Variants in LRRK2 observed in about 807,000 individuals in gnomAD.
The protein encoded by LRRK2 is leucine rich repeat kinase 2, also known as leucine-rich repeat serine/threonine-protein kinase 2.
A neutral mutation model predicts 302.6 loss-of-function variants in LRRK2; 203 were observed. The observed-to-expected ratio is 0.67, with a 90% CI of 0.60 to 0.75. The LOEUF (loss-of-function observed/expected upper bound fraction) is 0.75. Ranked by LOEUF, LRRK2 falls within the 30% of genes least tolerant of loss-of-function variation. The pLI is 0.00. For synonymous variants in LRRK2, 1,066 were observed against 1,031.9 expected, an observed-to-expected ratio of 1.03 and a Z score of -0.63; for missense variants, 2,830 against 2,951.0, an observed-to-expected ratio of 0.96 and a Z score of 0.95.
intron 2 of LRRK2, among the ~76,000 whole-genome samples, chr12:40,228,545 T>C (rs533950288): frequency 6.6e-6 from 1 of 151,934 alleles, no homozygotes; most frequent in African/African-American, 2.4e-5. Context: ...CCTTTCTTTA[T>C]GTTGTCTCTT....
At position 40,295,488 on chromosome 12, in the gene LRRK2, G is replaced by T. The variant is rs201042000; in HGVS notation, c.2940G>T (p.Glu980Asp). 11 of 1,613,708 alleles carry T rather than the reference G, an allele frequency of 6.8e-6. No homozygotes were observed. The African/African-American group carries it at 1.2e-4, about 18-fold the overall frequency. The change falls in exon 23 of 51, where the codon GAG becomes GAT. Residue 980 changes from glutamate (E) to aspartate (D), a missense_variant. Physicochemically the swap from Glu to Asp is conservative, Grantham distance 45. Around this residue, in one of 3 missense-constraint regions of LRRK2, gnomAD observed 2,121 missense variants for 2,148.0 expected, o/e 0.99. Coordinates refer to ENST00000298910, the MANE Select transcript of LRRK2 (RefSeq NM_198578.4). ...ACAGCATTTCTTCTCTGGCTTCTGA[G>T]AGAGAATATATTACATCACTAGACC... The part of the protein sequence containing the change: ...HSDSISSLAS[E>D]REYITSLDLS...
intron 19 of LRRK2, 38 bp from the exon 20 acceptor site, chr12:40,287,313 G>T: frequency 3.8e-6 from 6 of 1,579,078 alleles, no homozygotes; most frequent in Non-Finnish European, 5.2e-6. Context: ...TTGCATAATT[G>T]TTGATTTCTA....
chr12:40,239,373 C>T (rs1941623632), intron 5 of LRRK2, among the ~76,000 whole-genome samples: 1 of 152,020 alleles, frequency 6.6e-6, no homozygotes, highest in African/African-American at 2.4e-5. Flanking sequence ...CTTTCGATGA[C>T]AATTAGGATA....
Position 40,363,483 on chromosome 12 carries a change from C to T in LRRK2, c.7110C>T (p.Ser2370=). Residue 2370 remains serine (S), a synonymous_variant, in exon 48 of 51, where the codon AGC becomes AGT. Coordinates refer to ENST00000298910, the MANE Select transcript of LRRK2 (RefSeq NM_198578.4). ...DTALYIAKQN[S]PVVEVWDKKT... ...CTCTCTATATTGCTAAGCAAAATAG[C>T]CCTGTTGTGGAAGTGTGGGATAAGA... 5 of 1,611,754 alleles carry T rather than the reference C, an allele frequency of 3.1e-6. No homozygotes were observed. Among genetic ancestry groups the T allele is most frequent in the East Asian group, 4.5e-5 (2 of 44,758 alleles).
chr12:40,248,505 G>T (rs1052284256), intron 7 of LRRK2, among the ~76,000 whole-genome samples: 2 of 152,118 alleles, frequency 1.3e-5, no homozygotes, highest in African/African-American at 2.4e-5. Flanking sequence ...AGTGGATGAT[G>T]ATTTGTTCCA....
At chr12:40,232,718 C>G (rs1277022973) in intron 3 of LRRK2, 3 of 188,890 alleles carry the variant, frequency 1.6e-5, no homozygotes, top group East Asian at 1.4e-4. Flanking sequence ...AGAATCGATA[C>G]AAACCACTAG....
Position 40,359,299 on chromosome 12 carries a change from A to T in LRRK2, c.6883A>T (p.Asn2295Tyr). ...AAPLKILNIG[N>Y]VSTPLMCLSE... ...TCCTTTGAAGATACTAAATATAGGA[A>T]ATGTCAGTACTCCATTGATGTGTTT... The change falls in exon 47 of 51, where the codon AAT becomes TAT. Residue 2295 changes from asparagine to tyrosine, a missense_variant. Transcript: ENST00000298910. 1 of 1,613,036 alleles carries T rather than the reference A, an allele frequency of 6.2e-7. No individual in the cohort carries two copies. Among genetic ancestry groups the T allele is most frequent in the African/African-American group, 1.3e-5 (1 of 74,944 alleles).
intron 10 of LRRK2, 71 bp from the exon 11 acceptor site, chr12:40,252,839 T>C (rs948119793): frequency 1.5e-4 from 144 of 982,682 alleles, no homozygotes; most frequent in Non-Finnish European, 2.0e-4. Context: ...AGATATTTGA[T>C]AATGGCAAGT....
At position 40,363,464 on chromosome 12, in the gene LRRK2, A is replaced by G; in HGVS notation, c.7091A>G (p.Tyr2364Cys). 2 of 1,612,176 alleles carry G rather than the reference A, an allele frequency of 1.2e-6. No homozygotes were observed. Among genetic ancestry groups the G allele is most frequent in the Non-Finnish European group, 1.7e-6 (2 of 1,178,806 alleles). Residue 2364 changes from tyrosine (Y) to cysteine (C), a missense_variant, in exon 48 of 51, where the codon TAT (tyrosine) becomes TGT (cysteine). By Grantham distance (194) the Tyr-to-Cys change is radical. Around this residue, in one of 3 missense-constraint regions of LRRK2, gnomAD observed 456 missense variants for 456.3 expected, o/e 1.00. Transcript: ENST00000298910. Reference sequence around the variant, plus strand: ...ACAGTGGTGGTAGACACTGCTCTCTATATTGCTAAGCAAAATAGCCCTGTT... The same window carrying G: ...ACAGTGGTGGTAGACACTGCTCTCTGTATTGCTAAGCAAAATAGCCCTGTT... ...IITVVVDTAL[Y>C]IAKQNSPVVE...
At chr12:40,364,701 T>A (rs1452661431) in intron 48 of LRRK2, 141 bp from the exon 49 acceptor site, 3 of 709,786 alleles carry the variant, frequency 4.2e-6, no homozygotes, top group Non-Finnish European at 7.1e-6. Context: ...TAGCAAAATT[T>A]GCTTTGTATA....
intron 13 of LRRK2, 38 bp from the exon 14 acceptor site, chr12:40,263,751 A>G (rs1592183464): frequency 6.9e-7 from 1 of 1,441,016 alleles, no homozygotes; most frequent in East Asian, 2.3e-5. Context: ...AATGTTTATA[A>G]GAAAATTCTT....
intron 31 of LRRK2, 127 bp downstream of exon 31, chr12:40,310,776 T>A: frequency 1.2e-6 from 1 of 859,336 alleles, no homozygotes; most frequent in Non-Finnish European, 1.9e-6. Flanking sequence ...CTGTTAGCAT[T>A]ATTAAAGTCC....
intron 14 of LRRK2, among the ~76,000 whole-genome samples, chr12:40,271,652 A>G (rs11175814): frequency 0.022 from 3,310 of 152,260 alleles, 50 homozygotes; most frequent in Non-Finnish European, 0.033. Context: ...AGGAAATTCT[A>G]TTGTGGGCTT....
intron 44 of LRRK2, 136 bp downstream of exon 44, chr12:40,351,869 G>T: frequency 1.1e-6 from 1 of 931,376 alleles, no homozygotes. Flanking sequence ...GAGTATTCAA[G>T]AGCAAATGTG....
intron 41 of LRRK2, among the ~76,000 whole-genome samples, chr12:40,342,267 G>T (rs1946067063): frequency 6.6e-6 from 1 of 152,130 alleles, no homozygotes; most frequent in African/African-American, 2.4e-5. Flanking sequence ...TTCATTTTCA[G>T]TATCTGACTT....
At chr12:40,307,927 A>G (rs11175959) in intron 28 of LRRK2, among the ~76,000 whole-genome samples, 14,727 of 151,008 alleles carry the variant, frequency 0.098, 907 homozygotes, top group Admixed American at 0.15. Context: ...AATTACAGGC[A>G]CCTGCCACTG....
chr12:40,234,575 C>T (rs564851162), intron 3 of LRRK2, among the ~76,000 whole-genome samples: 1 of 151,808 alleles, frequency 6.6e-6, no homozygotes, highest in African/African-American at 2.4e-5. Context: ...GACAGGGTTT[C>T]ATCATGTTGG....
Position 40,335,056 on chromosome 12 carries a change from A to G in LRRK2, c.5847A>G (p.Leu1949=). The G allele has an allele frequency of 6.2e-7, 1 of 1,614,092 alleles. No homozygotes were observed. The highest frequency in any genetic ancestry group is 1.6e-4 in the Middle Eastern group (1 of 6,062). ...GIRPRMLVME[L]ASKGSLDRLL... ...GTCCCCGGATGTTGGTGATGGAGTT[A>G]GCCTCCAAGGGTTCCTTGGATCGCC... The change falls in exon 40 of 51, where the codon TTA becomes TTG. Residue 1949 remains leucine (L), a synonymous_variant. Transcript: ENST00000298910.
intron 4 of LRRK2, 65 bp downstream of exon 4, chr12:40,235,779 ATG>A (rs1391260244): frequency 1.2e-4 from 93 of 788,982 alleles, no homozygotes; most frequent in South Asian, 1.5e-4. Context: ...CATTAAGTAA[ATG>A]TGTGTGTGTG....
Sources: gnomAD v4.1 joint callset for allele counts (sites outside exome capture counted in the v4.1 genomes callset) on GRCh38, gnomAD v4.1.1 for gene constraint, gnomAD v4.1.1 regional missense constraint, MANE v1.5 for transcripts, NCBI Gene and HGNC (gene_info 2026-07-23, HGNC 2026-07-21) for gene names.